The following CNTNAP2 variants were observed in gnomAD, a reference collection of about 807,000 sequenced individuals.
CNTNAP2 encodes contactin associated protein 2.
Under a neutral mutation model 155.2 loss-of-function variants are expected in CNTNAP2, and 98 were observed. The observed-to-expected ratio is 0.63, with a 90% confidence interval of 0.54 to 0.75. CNTNAP2 has a LOEUF of 0.75. Ranked by LOEUF, CNTNAP2 falls within the 30% of genes least tolerant of loss-of-function variation. The pLI is 0.00. For synonymous variants in CNTNAP2, 651 were observed against 631.2 expected (o/e 1.03, Z -0.47); for missense variants, 1,727 against 1,688.1 (o/e 1.02, Z -0.40).
At chr7:148,105,077 T>C (rs1284011864) in intron 15 of CNTNAP2, among the ~76,000 whole-genome samples, 1 of 152,224 alleles carries the variant, frequency 6.6e-6, no homozygotes, top group East Asian at 1.9e-4. Flanking sequence ...CTCTGCTCTC[T>C]GAAATTTGCA....
At chr7:148,360,150 T>C (rs1798591115) in intron 21 of CNTNAP2, among the ~76,000 whole-genome samples, 2 of 152,146 alleles carry the variant, frequency 1.3e-5, no homozygotes, top group African/African-American at 4.8e-5. Flanking sequence ...TGACAAATGA[T>C]ACAACAAGCA....
At chr7:146,983,453 C>A (rs765921983) in intron 3 of CNTNAP2, among the ~76,000 whole-genome samples, 38 of 152,090 alleles carry the variant, frequency 2.5e-4, no homozygotes, top group Non-Finnish European at 4.7e-4. Context: ...AAACAAAAGG[C>A]AATTATTGAT....
At chr7:146,635,108 C>G (rs536254125) in intron 1 of CNTNAP2, among the ~76,000 whole-genome samples, 1 of 151,802 alleles carries the variant, frequency 6.6e-6, no homozygotes, top group South Asian at 2.1e-4. Flanking sequence ...AGAAAATGTG[C>G]GTCCAGGAAT....
chr7:147,251,958 G>T (rs1464264456), intron 8 of CNTNAP2, among the ~76,000 whole-genome samples: 3 of 151,814 alleles, frequency 2.0e-5, no homozygotes, highest in Non-Finnish European at 2.9e-5. Context: ...TGAGTTTGGG[G>T]ATTAATAAAA....
chr7:147,574,549 C>A (rs1437328673), intron 12 of CNTNAP2, among the ~76,000 whole-genome samples: 3 of 152,024 alleles, frequency 2.0e-5, no homozygotes, highest in Non-Finnish European at 4.4e-5. Flanking sequence ...GCTGAGTGTT[C>A]CCGTTTTAGG....
intron 1 of CNTNAP2, among the ~76,000 whole-genome samples, chr7:146,481,365 A>T (rs932298278): frequency 3.3e-5 from 5 of 152,236 alleles, no homozygotes; most frequent in Non-Finnish European, 7.3e-5. Flanking sequence ...CTAGAAACAG[A>T]TCTGGAGTTT....
chr7:147,167,795 A>G (rs1039024299), intron 8 of CNTNAP2, among the ~76,000 whole-genome samples: 1 of 152,088 alleles, frequency 6.6e-6, no homozygotes, highest in African/African-American at 2.4e-5. Context: ...GCTGTTTTGG[A>G]ATGCAGTTGA....
chr7:146,764,283 T>G (rs1317335263), intron 1 of CNTNAP2, among the ~76,000 whole-genome samples: 1 of 152,104 alleles, frequency 6.6e-6, no homozygotes, highest in East Asian at 1.9e-4. Context: ...ACTGTAGAAT[T>G]TGAGTTAAAA....
At chr7:147,322,944 T>C (rs1173300740) in intron 9 of CNTNAP2, among the ~76,000 whole-genome samples, 11 of 81,082 alleles carry the variant, frequency 1.4e-4, no homozygotes, top group Admixed American at 1.5e-4. Context: ...TTTTTTATTG[T>C]GTCTATTTGA....
chr7:146,633,784 C>G (rs902516745), intron 1 of CNTNAP2, among the ~76,000 whole-genome samples: 8 of 130,578 alleles, frequency 6.1e-5, no homozygotes, highest in Non-Finnish European at 1.2e-4. Flanking sequence ...GAGCTTAGAT[C>G]GTGCCACTGC....
intron 11 of CNTNAP2, among the ~76,000 whole-genome samples, chr7:147,558,938 T>C (rs1800005601): frequency 6.6e-6 from 1 of 152,188 alleles, no homozygotes; most frequent in South Asian, 2.1e-4. Context: ...AGACCAGGTT[T>C]CACCATGTTG....
chr7:147,775,991 C>T (rs550402332), intron 13 of CNTNAP2, among the ~76,000 whole-genome samples: 1 of 152,254 alleles, frequency 6.6e-6, no homozygotes, highest in African/African-American at 2.4e-5. Context: ...TGTGCACAAA[C>T]ACTGCAGAGA....
At chr7:147,045,723 C>T (rs1041591591) in intron 4 of CNTNAP2, among the ~76,000 whole-genome samples, 6 of 152,138 alleles carry the variant, frequency 3.9e-5, no homozygotes, top group South Asian at 2.1e-4. Context: ...AGCATCATGA[C>T]GGGAAGGCCA....
Position 148,168,998 on chromosome 7 carries a change from CAA to C in CNTNAP2, c.2774-3241_2774-3240del, listed in dbSNP as rs1265894999. On this transcript the variant is annotated intron_variant, in intron 17 of 23. Transcript: ENST00000361727. ...AGGTGGATGTGACTACAAAAACATGCAAAACTTTCATCGGGAAAAAGAAACAC... is the reference window on the plus strand; with the variant it reads ...AGGTGGATGTGACTACAAAAACATGCAACTTTCATCGGGAAAAAGAAACAC... 2.6e-5 allele frequency among the ~76,000 whole-genome samples: 4 copies of C among 152,006 alleles called. No homozygotes were observed. The East Asian group carries it at 7.7e-4, about 29-fold the overall frequency.
intron 4 of CNTNAP2, among the ~76,000 whole-genome samples, chr7:147,063,336 T>C (rs1799718635): frequency 1.3e-5 from 2 of 151,270 alleles, no homozygotes; most frequent in African/African-American, 2.4e-5. Context: ...CTTTTATCTA[T>C]CCTATATATG....
chr7:148,025,408 G>A (rs1362726769), intron 15 of CNTNAP2, among the ~76,000 whole-genome samples: 1 of 152,146 alleles, frequency 6.6e-6, no homozygotes, highest in African/African-American at 2.4e-5. Context: ...TCAATCTGCA[G>A]CACCCATTCC....
intron 8 of CNTNAP2, among the ~76,000 whole-genome samples, chr7:147,217,072 G>A (rs895777656): frequency 1.3e-5 from 2 of 151,844 alleles, no homozygotes; most frequent in East Asian, 1.9e-4. Flanking sequence ...GAGGATTTTT[G>A]TTGTTGTTGA....
intron 21 of CNTNAP2, among the ~76,000 whole-genome samples, chr7:148,276,320 G>A (rs956595368): frequency 1.3e-5 from 2 of 152,186 alleles, no homozygotes; most frequent in Non-Finnish European, 2.9e-5. Context: ...AAGGGATGGA[G>A]CATTATCAAG....
intron 8 of CNTNAP2, among the ~76,000 whole-genome samples, chr7:147,237,083 T>TTTTTTTTTTTTTTTTTTTTTTTTTTTTC (rs1803825657): frequency 1.0e-5 from 1 of 96,842 alleles, no homozygotes; most frequent in Non-Finnish European, 2.0e-5. Flanking sequence ...TTTTTTTTTT[T>TTTTTTTTTTTTTTTTTTTTTTTTTTTTC]TTGACAGTGT....
Sources: gnomAD v4.1 joint callset for allele counts (sites outside exome capture counted in the v4.1 genomes callset) on GRCh38, gnomAD v4.1.1 for gene constraint, MANE v1.5 for transcripts, NCBI Gene and HGNC (gene_info 2026-07-23, HGNC 2026-07-21) for gene names.